The following ST8SIA1 variants were observed in gnomAD, a reference collection of about 807,000 sequenced individuals.
The protein encoded by ST8SIA1 is ST8 alpha-N-acetyl-neuraminide alpha-2,8-sialyltransferase 1, also known as alpha-N-acetylneuraminide alpha-2,8-sialyltransferase.
In ST8SIA1, 16 loss-of-function variants were observed where a neutral mutation model predicts 35.9. The ratio of observed to expected loss-of-function variants is 0.45; its 90% confidence interval spans 0.30 to 0.68. The LOEUF is 0.68. Ranked by LOEUF, ST8SIA1 falls within the 30% of genes least tolerant of loss-of-function variation. The probability of loss-of-function intolerance (pLI) is 0.09; values close to 1 mark genes in which losing one functional copy is unlikely to be tolerated. For missense variants in ST8SIA1, 383 were observed against 453.6 expected, an observed-to-expected ratio of 0.84 and a Z score of 1.41; for synonymous variants, 170 against 169.6, an observed-to-expected ratio of 1.00 and a Z score of -0.02.
chr12:22,313,362 A>G (rs987809992), intron 1 of ST8SIA1, among the ~76,000 whole-genome samples: 2 of 152,222 alleles, frequency 1.3e-5, no homozygotes, highest in Non-Finnish European at 2.9e-5. Context: ...AGCTCAGCGC[A>G]GTCAAGCTAC....
At chr12:22,216,556 T>C (rs1332904041) in intron 4 of ST8SIA1, among the ~76,000 whole-genome samples, 1 of 152,224 alleles carries the variant, frequency 6.6e-6, no homozygotes, top group East Asian at 1.9e-4. Context: ...ACCCTGAGCC[T>C]GGATTAGGTA....
chr12:22,275,329 T>C (rs1183828756), intron 2 of ST8SIA1, among the ~76,000 whole-genome samples: 2 of 151,960 alleles, frequency 1.3e-5, no homozygotes, highest in East Asian at 3.9e-4. Context: ...CAAGGGCGGG[T>C]GTATCACTTG....
intron 4 of ST8SIA1, among the ~76,000 whole-genome samples, chr12:22,207,190 G>T (rs1263093036): frequency 6.6e-6 from 1 of 152,166 alleles, no homozygotes; most frequent in African/African-American, 2.4e-5. Flanking sequence ...ACTGCTGCAT[G>T]GAAGGGCTTT....
At chr12:22,268,988 AT>A (rs898372312) in intron 2 of ST8SIA1, among the ~76,000 whole-genome samples, 24 of 151,842 alleles carry the variant, frequency 1.6e-4, no homozygotes, top group Admixed American at 5.2e-4. Flanking sequence ...AGTTCAAATG[AT>A]TTTTTTTTAA....
At chr12:22,206,258 A>G (rs1865108567) in intron 4 of ST8SIA1, among the ~76,000 whole-genome samples, 1 of 152,204 alleles carries the variant, frequency 6.6e-6, no homozygotes, top group African/African-American at 2.4e-5. Context: ...TCAAAAAAAC[A>G]GACAGTTTAC....
chr12:22,323,101 T>C (rs1866623744), intron 1 of ST8SIA1, among the ~76,000 whole-genome samples: 1 of 152,074 alleles, frequency 6.6e-6, no homozygotes, highest in South Asian at 2.1e-4. Context: ...CCATGAAAAA[T>C]AAAAGCACGT....
chr12:22,202,848 C>A (rs1401665640), intron 4 of ST8SIA1, among the ~76,000 whole-genome samples: 6 of 152,166 alleles, frequency 3.9e-5, no homozygotes, highest in Non-Finnish European at 8.8e-5. Flanking sequence ...GAAAGAACAG[C>A]AACTAAACTC....
chr12:22,227,627 C>A (rs1051782358), intron 4 of ST8SIA1, among the ~76,000 whole-genome samples: 2 of 152,078 alleles, frequency 1.3e-5, no homozygotes, highest in African/African-American at 4.8e-5. Flanking sequence ...TGTTCTATAC[C>A]AAATTTTTTT....
chr12:22,298,492 C>T (rs139280199), intron 1 of ST8SIA1, among the ~76,000 whole-genome samples: 199 of 152,324 alleles, frequency 1.3e-3, no homozygotes, highest in African/African-American at 2.6e-3. Context: ...AATCCCCACA[C>T]ATTTGGTCAC....
At chr12:22,313,103 C>G (rs569151976) in intron 1 of ST8SIA1, among the ~76,000 whole-genome samples, 7 of 152,174 alleles carry the variant, frequency 4.6e-5, no homozygotes, top group Non-Finnish European at 8.8e-5. Context: ...GCCCTATCTC[C>G]TACTACATAT....
Position 22,333,875 on chromosome 12 carries a change from G to A in ST8SIA1, c.236+122C>T, listed in dbSNP as rs745622439. On this transcript the variant is annotated intron_variant, in intron 1 of 4. Transcript: ENST00000396037. The stretch of plus-strand genomic sequence containing the variant: ...GGCACAAATGGAGGGAAAGGACATG[G>A]AAGAGCGGATGAAAGGGATGCCTCT... 3.3e-6 allele frequency: 3 copies of A among 908,008 alleles called. No homozygotes were observed. In the South Asian group the frequency reaches 3.9e-5, roughly 12 times the overall value. The allele number at this position is 908,008 out of a possible 1,614,324, so 56.2% of individuals were successfully genotyped here.
intron 4 of ST8SIA1, among the ~76,000 whole-genome samples, chr12:22,243,995 A>C (rs2120734820): frequency 6.6e-6 from 1 of 151,590 alleles, no homozygotes; most frequent in East Asian, 2.0e-4. Flanking sequence ...GCACCACTGT[A>C]CTCCAGTCCG....
intron 4 of ST8SIA1, among the ~76,000 whole-genome samples, chr12:22,225,009 T>C (rs1865339556): frequency 6.6e-6 from 1 of 152,090 alleles, no homozygotes. Flanking sequence ...GAATGCTGTG[T>C]GAGGACAGAG....
intron 2 of ST8SIA1, among the ~76,000 whole-genome samples, chr12:22,281,618 A>T (rs1866035356): frequency 6.6e-6 from 1 of 152,134 alleles, no homozygotes; most frequent in Non-Finnish European, 1.5e-5. Context: ...ATTGTATGGG[A>T]AACTATGGTG....
chr12:22,255,636 T>TC (rs2135796496), intron 2 of ST8SIA1, among the ~76,000 whole-genome samples: 1 of 152,174 alleles, frequency 6.6e-6, no homozygotes, highest in East Asian at 1.9e-4. Context: ...TTTATTTTTT[T>TC]CCTCTCCAAT....
intron 2 of ST8SIA1, among the ~76,000 whole-genome samples, chr12:22,283,191 G>T (rs573411888): frequency 6.6e-6 from 1 of 152,234 alleles, no homozygotes; most frequent in African/African-American, 2.4e-5. Flanking sequence ...CTTTACATAT[G>T]GCCCTGGGTG....
chr12:22,328,830 C>T (rs112540120), intron 1 of ST8SIA1, among the ~76,000 whole-genome samples: 40 of 152,234 alleles, frequency 2.6e-4, no homozygotes, highest in African/African-American at 9.4e-4. Flanking sequence ...TTACAACAGT[C>T]CTATAAGAAG....
At chr12:22,209,607 C>G (rs1488747433) in intron 4 of ST8SIA1, among the ~76,000 whole-genome samples, 1 of 152,148 alleles carries the variant, frequency 6.6e-6, no homozygotes, top group Non-Finnish European at 1.5e-5. Context: ...CCTATTGACC[C>G]TGCATTTCCA....
At chr12:22,227,181 T>C (rs959029883) in intron 4 of ST8SIA1, among the ~76,000 whole-genome samples, 1 of 152,026 alleles carries the variant, frequency 6.6e-6, no homozygotes, top group Non-Finnish European at 1.5e-5. Flanking sequence ...CTTGACCTTA[T>C]GATCCACCTG....
Sources: gnomAD v4.1 joint callset for allele counts (sites outside exome capture counted in the v4.1 genomes callset) on GRCh38, gnomAD v4.1.1 for gene constraint, MANE v1.5 for transcripts, NCBI Gene and HGNC (gene_info 2026-07-23, HGNC 2026-07-21) for gene names.